Variants in BTRC observed in about 807,000 individuals in gnomAD.
BTRC encodes F-box/WD repeat-containing protein 1A.
In BTRC, 42 loss-of-function variants were observed where a neutral mutation model predicts 85.5. The observed-to-expected ratio is 0.49, with a 90% CI of 0.38 to 0.64. The LOEUF (loss-of-function observed/expected upper bound fraction) is 0.64, where lower values mean the gene tolerates loss of function less well. Ranked by LOEUF, BTRC falls within the 30% of genes least tolerant of loss-of-function variation. The pLI, the probability that BTRC is intolerant of heterozygous loss-of-function variation, is 0.00. For synonymous variants in BTRC, 255 were observed against 263.3 expected (o/e 0.97, Z 0.30); for missense variants, 594 against 743.5 (o/e 0.80, Z 2.34).
At position 101,534,726 on chromosome 10, in the gene BTRC, A is replaced by G; in HGVS notation, c.1163A>G (p.His388Arg). The change falls in exon 10 of 15, where the codon CAC becomes CGC. Residue 388 changes from histidine to arginine, a missense_variant. By Grantham distance (29) the His-to-Arg change is conservative. Transcript: ENST00000370187. ...TLIHHCEAVL[H>R]LRFNNGMMVT... ...ATTCACCATTGTGAAGCAGTTCTGC[A>G]CTTGCGTTTCAATAATGGCATGATG... 6.2e-7 allele frequency: 1 copy of G among 1,614,196 alleles called. No homozygotes were observed.
chr10:101,373,575 C>G (rs1942700752), intron 1 of BTRC, among the ~76,000 whole-genome samples: 1 of 151,976 alleles, frequency 6.6e-6, no homozygotes, highest in Non-Finnish European at 1.5e-5. Context: ...TTGGGATGGT[C>G]CCTAACTATA....
chr10:101,470,481 C>A (rs1276025114), intron 3 of BTRC, among the ~76,000 whole-genome samples: 1 of 151,944 alleles, frequency 6.6e-6, no homozygotes, highest in African/African-American at 2.4e-5. Context: ...TACAGGCATG[C>A]GCCACCACAT....
At chr10:101,544,407 G>GTTTT (rs35751151) in intron 13 of BTRC, among the ~76,000 whole-genome samples, 2 of 135,372 alleles carry the variant, frequency 1.5e-5, no homozygotes, top group Non-Finnish European at 1.6e-5. Context: ...ACTTGGGAAA[G>GTTTT]TTTTTTTTTT....
intron 1 of BTRC, among the ~76,000 whole-genome samples, chr10:101,381,037 C>CATAAATTTTATAAATTTA (rs1335419944): frequency 1.6e-4 from 24 of 152,290 alleles, no homozygotes; most frequent in African/African-American, 5.8e-4. Context: ...TATGAGACCA[C>CATAAATTTTATAAATTTA]TGTTGCATAT....
At chr10:101,520,540 G>A (rs959797328) in intron 4 of BTRC, among the ~76,000 whole-genome samples, 2 of 152,188 alleles carry the variant, frequency 1.3e-5, no homozygotes, top group African/African-American at 4.8e-5. Context: ...AATATTTTAT[G>A]TTATGGAAAA....
intron 8 of BTRC, among the ~76,000 whole-genome samples, 165 bp from the exon 9 acceptor site, chr10:101,532,787 T>TGC (rs1564830982): frequency 3.9e-4 from 29 of 75,128 alleles, no homozygotes; most frequent in African/African-American, 2.0e-3. Flanking sequence ...TGTGTGTGTG[T>TGC]GTGCGCGTGT....
intron 3 of BTRC, among the ~76,000 whole-genome samples, chr10:101,474,178 TC>T (rs1265341972): frequency 6.6e-6 from 1 of 152,186 alleles, no homozygotes; most frequent in Non-Finnish European, 1.5e-5. Flanking sequence ...TAATTTTTGA[TC>T]ATATAACCAA....
At chr10:101,526,429 ATAATG>A (rs2062192005) in intron 6 of BTRC, among the ~76,000 whole-genome samples, 1 of 152,256 alleles carries the variant, frequency 6.6e-6, no homozygotes, top group South Asian at 2.1e-4. Flanking sequence ...TTTGCAAAAA[ATAATG>A]GAAAGCTGAT....
intron 4 of BTRC, among the ~76,000 whole-genome samples, chr10:101,492,981 A>C (rs1232662058): frequency 6.6e-6 from 1 of 152,172 alleles, no homozygotes; most frequent in Non-Finnish European, 1.5e-5. Flanking sequence ...TTTAGTCAGC[A>C]GTTTAGGTTG....
chr10:101,484,507 C>A (rs945049858), intron 4 of BTRC, among the ~76,000 whole-genome samples: 1 of 152,224 alleles, frequency 6.6e-6, no homozygotes, highest in African/African-American at 2.4e-5. Context: ...CTACAATTCA[C>A]AATGCAGACG....
intron 1 of BTRC, among the ~76,000 whole-genome samples, chr10:101,408,517 G>A (rs909155127): frequency 6.6e-6 from 1 of 151,978 alleles, no homozygotes; most frequent in Non-Finnish European, 1.5e-5. Context: ...ATGTTGCCCA[G>A]GCTGGTCTCC....
At chr10:101,369,981 C>T (rs1942586264) in intron 1 of BTRC, among the ~76,000 whole-genome samples, 1 of 152,198 alleles carries the variant, frequency 6.6e-6, no homozygotes, top group Non-Finnish European at 1.5e-5. Flanking sequence ...TGTCAGATTG[C>T]TGGCCTACAC....
At chr10:101,473,603 T>G (rs1945598018) in intron 3 of BTRC, among the ~76,000 whole-genome samples, 1 of 151,420 alleles carries the variant, frequency 6.6e-6, no homozygotes, top group Admixed American at 6.6e-5. Flanking sequence ...CCCAAGTAGC[T>G]GGGATTACAG....
intron 4 of BTRC, among the ~76,000 whole-genome samples, chr10:101,494,935 A>G (rs1168254893): frequency 2.0e-5 from 3 of 152,234 alleles, no homozygotes; most frequent in Admixed American, 6.5e-5. Flanking sequence ...TTAAAGTGTC[A>G]GTGGTAAAGG....
chr10:101,400,599 G>C (rs1372763525), intron 1 of BTRC, among the ~76,000 whole-genome samples: 1 of 152,170 alleles, frequency 6.6e-6, no homozygotes, highest in Non-Finnish European at 1.5e-5. Flanking sequence ...CCCTGTCAAA[G>C]GATTTTACTC....
At chr10:101,356,896 C>CGAGGCAGG (rs2134457942) in intron 1 of BTRC, among the ~76,000 whole-genome samples, 1 of 151,664 alleles carries the variant, frequency 6.6e-6, no homozygotes, top group East Asian at 1.9e-4. Context: ...TTTGGGAGGC[C>CGAGGCAGG]GAGGCAGGCG....
rs535656002 is a variant in BTRC at position 101,387,528 on chromosome 10, CT to C, written c.48+33318del. On this transcript the variant is annotated intron_variant, in intron 1 of 14. Coordinates refer to ENST00000370187, the MANE Select transcript of BTRC (RefSeq NM_033637.4). ...TGTGGCTTTTTATACCTTCATGGGA[CT>C]TTTTTTTTTTTTTTTTTGAGATAGC... Among the ~76,000 whole-genome samples, 106 of 45,034 alleles carry C rather than the reference CT, an allele frequency of 2.4e-3. 10 individuals carry two copies. The highest frequency in any genetic ancestry group is 4.4e-3 in the African/African-American group (29 of 6,524). The allele number at this position is 45,034 out of a possible 152,430, so 29.5% of individuals were successfully genotyped here.
chr10:101,479,068 A>G (rs905832578), intron 3 of BTRC, among the ~76,000 whole-genome samples: 12 of 152,202 alleles, frequency 7.9e-5, no homozygotes, highest in South Asian at 6.2e-4. Context: ...TTTAAACAGA[A>G]CTAAGCTCTT....
intron 5 of BTRC, among the ~76,000 whole-genome samples, chr10:101,522,395 A>G (rs1326975801): frequency 8.9e-6 from 1 of 112,108 alleles, no homozygotes; most frequent in Non-Finnish European, 1.9e-5. Context: ...AAAAAACTCT[A>G]GAAATAAAGA....
Sources: gnomAD v4.1 joint callset for allele counts (sites outside exome capture counted in the v4.1 genomes callset) on GRCh38, gnomAD v4.1.1 for gene constraint, MANE v1.5 for transcripts, NCBI Gene and HGNC (gene_info 2026-07-23, HGNC 2026-07-21) for gene names.